Variants in GRIK1 observed in about 807,000 individuals in gnomAD.
GRIK1 encodes the protein glutamate receptor ionotropic, kainate 1.
In GRIK1, 69 loss-of-function variants were observed where a neutral mutation model predicts 105.7. That is an observed-to-expected ratio of 0.65 (90% CI 0.54 to 0.80). The LOEUF (loss-of-function observed/expected upper bound fraction) is 0.80, where lower values mean the gene tolerates loss of function less well. Ranked by LOEUF, GRIK1 falls within the 30% of genes least tolerant of loss-of-function variation. The pLI is 0.00. For synonymous variants in GRIK1, 438 were observed against 431.3 expected (o/e 1.02, Z -0.19); for missense variants, 1,109 against 1,167.3 (o/e 0.95, Z 0.73).
At chr21:29,795,915 T>A (rs78014027) in intron 1 of GRIK1, among the ~76,000 whole-genome samples, 2,421 of 152,244 alleles carry the variant, frequency 0.016, 61 homozygotes, top group African/African-American at 0.055. Context: ...AATGAGCTTC[T>A]AATGCTGTCC....
chr21:29,839,059 C>CTTTTCT (rs3835376), intron 1 of GRIK1, among the ~76,000 whole-genome samples: 43 of 151,670 alleles, frequency 2.8e-4, no homozygotes, highest in African/African-American at 6.0e-4. Flanking sequence ...CTTTTCTTTT[C>CTTTTCT]TTTTTTTTGA....
intron 1 of GRIK1, among the ~76,000 whole-genome samples, chr21:29,730,191 C>T (rs552304309): frequency 5.9e-5 from 9 of 152,160 alleles, no homozygotes; most frequent in Middle Eastern, 3.4e-3. Flanking sequence ...TACATAATTG[C>T]GGTATAAATT....
chr21:29,752,221 T>A (rs2065224400), intron 1 of GRIK1, among the ~76,000 whole-genome samples: 6 of 152,154 alleles, frequency 3.9e-5, no homozygotes, highest in Admixed American at 1.3e-4. Context: ...TGAGATAAGG[T>A]CAGAGCTAGA....
At chr21:29,930,453 C>T (rs900849720) in intron 1 of GRIK1, among the ~76,000 whole-genome samples, 3 of 152,254 alleles carry the variant, frequency 2.0e-5, no homozygotes, top group Admixed American at 6.5e-5. Flanking sequence ...ACCATCCTTT[C>T]CCCAATCTGC....
At chr21:29,735,937 G>A (rs1441039072) in intron 1 of GRIK1, among the ~76,000 whole-genome samples, 1 of 151,654 alleles carries the variant, frequency 6.6e-6, no homozygotes, top group Non-Finnish European at 1.5e-5. Context: ...AAGAAGTTAA[G>A]CAAGGTCATA....
intron 16 of GRIK1, among the ~76,000 whole-genome samples, chr21:29,551,113 A>T (rs1163162575): frequency 6.6e-6 from 1 of 152,230 alleles, no homozygotes; most frequent in African/African-American, 2.4e-5. Flanking sequence ...GGGGAAAAAA[A>T]TCTGCAATCT....
At chr21:29,553,222 G>A (rs2090166051) in intron 16 of GRIK1, 1 of 995,446 alleles carries the variant, frequency 1.0e-6, no homozygotes, top group South Asian at 4.7e-5. Context: ...TCCATGCTTT[G>A]CCCTGTTGAA....
At position 29,636,056 on chromosome 21, in the gene GRIK1, C is replaced by T. The variant is rs151295076; in HGVS notation, c.1098+6770G>A. 4.0e-3 allele frequency among the ~76,000 whole-genome samples: 603 copies of T among 152,232 alleles called. 5 individuals are homozygous for T. The highest frequency in any genetic ancestry group is 0.014 in the African/African-American group (577 of 41,542). ...GAAAGCACAGAGCAGCCCAGCCCAG[C>T]GAGATCTGTCCTGTTTATTTTTGAG... On this transcript the variant is annotated intron_variant, in intron 7 of 17. Coordinates refer to ENST00000327783, the MANE Select transcript of GRIK1 (RefSeq NM_001330994.2).
rs138198465 is a variant in GRIK1, at chr21:29,853,183, T to G, written c.118+86200A>C. ...CAATTCCAAGAAAGTAACTATGACA[T>G]TTGTGCCATAATGAAGCTTCCTCTC... On this transcript the variant is annotated intron_variant, in intron 1 of 17. Coordinates refer to ENST00000327783, the MANE Select transcript of GRIK1 (RefSeq NM_001330994.2). Among the ~76,000 whole-genome samples the G allele has an allele frequency of 1.2e-3, 186 of 152,334 alleles. 2 individuals are homozygous for G. The highest frequency in any genetic ancestry group is 4.3e-3 in the African/African-American group (180 of 41,586).
chr21:29,844,138 C>A (rs1403128928), intron 1 of GRIK1, among the ~76,000 whole-genome samples: 1 of 152,020 alleles, frequency 6.6e-6, no homozygotes, highest in Non-Finnish European at 1.5e-5. Context: ...TAATAGATAT[C>A]TTTGTCATTG....
intron 1 of GRIK1, among the ~76,000 whole-genome samples, chr21:29,874,765 G>T (rs1488931185): frequency 1.3e-5 from 2 of 152,182 alleles, no homozygotes; most frequent in Non-Finnish European, 2.9e-5. Flanking sequence ...GTAGTGGGAG[G>T]TTGAATGTGA....
chr21:29,743,972 A>G (rs2064989714), intron 1 of GRIK1, among the ~76,000 whole-genome samples: 1 of 152,182 alleles, frequency 6.6e-6, no homozygotes, highest in Non-Finnish European at 1.5e-5. Flanking sequence ...AGAATAACTA[A>G]TGGGTACTAG....
intron 1 of GRIK1, among the ~76,000 whole-genome samples, chr21:29,708,564 G>T (rs560781052): frequency 6.6e-6 from 1 of 152,248 alleles, no homozygotes; most frequent in South Asian, 2.1e-4. Flanking sequence ...GGGGTTGGTT[G>T]GGGCTGTGTG....
intron 1 of GRIK1, among the ~76,000 whole-genome samples, chr21:29,867,535 C>T (rs2068840086): frequency 6.6e-6 from 1 of 152,040 alleles, no homozygotes; most frequent in Non-Finnish European, 1.5e-5. Context: ...TGGCTCATGC[C>T]TGTAATCCCA....
intron 1 of GRIK1, among the ~76,000 whole-genome samples, chr21:29,811,040 G>C (rs753441672): frequency 6.6e-6 from 1 of 152,072 alleles, no homozygotes; most frequent in Non-Finnish European, 1.5e-5. Flanking sequence ...ATTTAGCTCT[G>C]ATGAATGCCT....
chr21:29,641,644 G>T (rs73197516), intron 7 of GRIK1, among the ~76,000 whole-genome samples: 2 of 152,132 alleles, frequency 1.3e-5, no homozygotes, highest in Non-Finnish European at 1.5e-5. Context: ...AAATTTAAGC[G>T]AGAATTTCCT....
intron 12 of GRIK1, among the ~76,000 whole-genome samples, chr21:29,585,652 C>T (rs8129171): frequency 0.096 from 14,638 of 152,118 alleles, 847 homozygotes; most frequent in Middle Eastern, 0.17. Context: ...CCTAGTATCA[C>T]CCAACAGGTG....
intron 4 of GRIK1, among the ~76,000 whole-genome samples, chr21:29,660,342 AT>A (rs1200783366): frequency 3.9e-5 from 6 of 152,228 alleles, no homozygotes; most frequent in African/African-American, 1.4e-4. Context: ...GACGTAGCTC[AT>A]AGGGGTCTAA....
chr21:29,605,678 C>G (rs936695541), intron 7 of GRIK1, among the ~76,000 whole-genome samples: 1 of 152,104 alleles, frequency 6.6e-6, no homozygotes, highest in Admixed American at 6.5e-5. Context: ...TTTACACTCC[C>G]ACCAACAGTG....
Sources: gnomAD v4.1 joint callset for allele counts (sites outside exome capture counted in the v4.1 genomes callset) on GRCh38, gnomAD v4.1.1 for gene constraint, MANE v1.5 for transcripts, NCBI Gene and HGNC (gene_info 2026-07-23, HGNC 2026-07-21) for gene names.